Variants in ZC3H3 observed in about 807,000 individuals in gnomAD.
The protein encoded by ZC3H3 is zinc finger CCCH-type containing 3.
In ZC3H3, 36 loss-of-function variants were observed where a neutral mutation model predicts 77.3. That is an observed-to-expected ratio of 0.47 (90% CI 0.36 to 0.61). ZC3H3 has a LOEUF of 0.61. ZC3H3 is among the 20% of genes least tolerant of loss of function. The pLI, the probability that ZC3H3 is intolerant of heterozygous loss-of-function variation, is 0.00. For missense variants in ZC3H3, 1,331 were observed against 1,312.2 expected, an observed-to-expected ratio of 1.01 and a Z score of -0.22; for synonymous variants, 626 against 555.2, an observed-to-expected ratio of 1.13 and a Z score of -1.79.
intron 3 of ZC3H3, 77 bp downstream of exon 3, chr8:143,536,180 C>T: frequency 6.7e-7 from 1 of 1,493,466 alleles, no homozygotes; most frequent in Non-Finnish European, 9.0e-7. Context: ...GGGAAGGTGC[C>T]CATGGCTCCT....
intron 3 of ZC3H3, among the ~76,000 whole-genome samples, chr8:143,532,514 A>T (rs1822648849): frequency 6.6e-6 from 1 of 152,252 alleles, no homozygotes; most frequent in Non-Finnish European, 1.5e-5. Context: ...CAAATGAAGG[A>T]GCAGTCCCAC....
At chr8:143,522,981 G>C (rs765306258) in intron 3 of ZC3H3, among the ~76,000 whole-genome samples, 4 of 152,074 alleles carry the variant, frequency 2.6e-5, no homozygotes, top group South Asian at 2.1e-4. Flanking sequence ...GGGTGACTTG[G>C]AGCCATCCAG....
At chr8:143,448,779 T>C (rs959828310) in intron 9 of ZC3H3, among the ~76,000 whole-genome samples, 1 of 152,190 alleles carries the variant, frequency 6.6e-6, no homozygotes, top group African/African-American at 2.4e-5. Context: ...GCGTGGGGGC[T>C]CCAATGCCAC....
chr8:143,541,256 C>A, intron 1 of ZC3H3, 120 bp downstream of exon 1: 1 of 1,542,052 alleles, frequency 6.5e-7, no homozygotes, highest in Non-Finnish European at 8.7e-7. Context: ...CCGTCCCCCA[C>A]CCCAGCCGCC....
chr8:143,499,908 G>C (rs183745191), intron 4 of ZC3H3, among the ~76,000 whole-genome samples: 1 of 152,170 alleles, frequency 6.6e-6, no homozygotes, highest in Non-Finnish European at 1.5e-5. Context: ...CAGGAGGCCC[G>C]CAGCAGTGCC....
At chr8:143,475,839 A>G (rs1261676619) in intron 4 of ZC3H3, among the ~76,000 whole-genome samples, 1 of 152,110 alleles carries the variant, frequency 6.6e-6, no homozygotes, top group Non-Finnish European at 1.5e-5. Context: ...AAGGAGTCCC[A>G]GGAGGTGGCG....
At chr8:143,510,337 A>G (rs1362807774) in intron 3 of ZC3H3, among the ~76,000 whole-genome samples, 1 of 152,082 alleles carries the variant, frequency 6.6e-6, no homozygotes, top group Admixed American at 6.5e-5. Context: ...CCAGCCTGCA[A>G]CCCACCCCCA....
intron 3 of ZC3H3, among the ~76,000 whole-genome samples, chr8:143,534,973 G>A (rs991653967): frequency 6.6e-6 from 1 of 151,784 alleles, no homozygotes; most frequent in Non-Finnish European, 1.5e-5. Flanking sequence ...CCCCCACACG[G>A]CTCTTGGGTC....
intron 3 of ZC3H3, among the ~76,000 whole-genome samples, chr8:143,512,568 G>A (rs535349189): frequency 5.3e-5 from 8 of 152,306 alleles, no homozygotes; most frequent in East Asian, 1.9e-4. Flanking sequence ...CAGTACGGCC[G>A]TGAATGCCCC....
chr8:143,521,425 T>C (rs1822239137), intron 3 of ZC3H3, among the ~76,000 whole-genome samples: 1 of 103,910 alleles, frequency 9.6e-6, no homozygotes, highest in Non-Finnish European at 2.5e-5. Flanking sequence ...CCCAGCACTA[T>C]GTCTGCCTCT....
At chr8:143,536,596 C>T in intron 2 of ZC3H3, 143 bp from the exon 3 acceptor site, 2 of 867,186 alleles carry the variant, frequency 2.3e-6, no homozygotes, top group Non-Finnish European at 3.4e-6. Flanking sequence ...GACCCTGCCT[C>T]CCTCAGCCCA....
chr8:143,510,589 C>T (rs1821841267), intron 3 of ZC3H3, among the ~76,000 whole-genome samples: 1 of 152,210 alleles, frequency 6.6e-6, no homozygotes, highest in African/African-American at 2.4e-5. Flanking sequence ...GGGTCCCTCC[C>T]TGGCCCTGTT....
intron 5 of ZC3H3, among the ~76,000 whole-genome samples, chr8:143,472,489 C>T (rs1013343640): frequency 6.6e-6 from 1 of 152,222 alleles, no homozygotes; most frequent in Non-Finnish European, 1.5e-5. Flanking sequence ...CAGCCCCTCC[C>T]TCTCCTCCCC....
chr8:143,496,158 G>A (rs1330679820), intron 4 of ZC3H3, among the ~76,000 whole-genome samples: 2 of 152,238 alleles, frequency 1.3e-5, no homozygotes, highest in Non-Finnish European at 2.9e-5. Flanking sequence ...TAAACCAGCA[G>A]AGATGGAGTG....
intron 11 of ZC3H3, among the ~76,000 whole-genome samples, chr8:143,439,208 G>A (rs1819660186): frequency 6.6e-6 from 1 of 152,178 alleles, no homozygotes; most frequent in East Asian, 1.9e-4. Flanking sequence ...AGGTCTCGTG[G>A]GGCGGAGGGT....
intron 9 of ZC3H3, among the ~76,000 whole-genome samples, chr8:143,454,469 C>T (rs910418601): frequency 1.3e-5 from 2 of 149,866 alleles, no homozygotes; most frequent in African/African-American, 2.5e-5. Flanking sequence ...GGCGCAGTCT[C>T]GGCTCACTGC....
At chr8:143,473,322 G>C (rs568155468) in intron 5 of ZC3H3, among the ~76,000 whole-genome samples, 1 of 152,120 alleles carries the variant, frequency 6.6e-6, no homozygotes, top group East Asian at 1.9e-4. Context: ...TCCCTTCTGG[G>C]CCCTCTCAGT....
At position 143,530,399 on chromosome 8, in the gene ZC3H3, C is replaced by T. The variant is rs893335965; in HGVS notation, c.1561+5858G>A. ...AGGGCCCTCCCACTCCAGCAGATGA[C>T]GACACCACTGCCTACCCACCTACCA... On this transcript the variant is annotated intron_variant, in intron 3 of 11. Coordinates refer to ENST00000262577, the MANE Select transcript of ZC3H3 (RefSeq NM_015117.3). This position sits in a 1 kb window ranked among gnomAD's most constrained non-coding sequence, Gnocchi z 4.3. Among the ~76,000 whole-genome samples the T allele has an allele frequency of 2.0e-5, 3 of 152,256 alleles. No homozygotes were observed. The highest frequency in any genetic ancestry group is 6.5e-5 in the Admixed American group (1 of 15,298).
At chr8:143,467,119 G>A (rs904029350) in intron 8 of ZC3H3, among the ~76,000 whole-genome samples, 30 of 152,126 alleles carry the variant, frequency 2.0e-4, no homozygotes, top group Non-Finnish European at 3.2e-4. Context: ...GCTGGGGGCC[G>A]TTTGGGGCTG....
Sources: allele counts gnomAD v4.1 joint callset (sites outside exome capture counted in the v4.1 genomes callset), GRCh38; gene constraint gnomAD v4.1.1; non-coding constraint Gnocchi (gnomAD v3.1); transcripts MANE v1.5; gene names NCBI Gene and HGNC (gene_info 2026-07-23, HGNC 2026-07-21).